The following GTF3C5 variants were observed in gnomAD, a reference collection of about 807,000 sequenced individuals.
The protein encoded by GTF3C5 is general transcription factor IIIC subunit 5.
In GTF3C5, 47 loss-of-function variants were observed where a neutral mutation model predicts 61.0. The ratio of observed to expected loss-of-function variants is 0.77; its 90% CI spans 0.61 to 0.98. The LOEUF is 0.98. GTF3C5 is among the 50% of genes least tolerant of loss of function. GTF3C5 has a pLI of 0.00. For synonymous variants in GTF3C5, 295 were observed against 275.4 expected (o/e 1.07, Z -0.71); for missense variants, 659 against 703.3 (o/e 0.94, Z 0.71).
At chr9:133,032,825 A>G (rs1849767458) in intron 1 of GTF3C5, among the ~76,000 whole-genome samples, 1 of 152,200 alleles carries the variant, frequency 6.6e-6, no homozygotes, top group Non-Finnish European at 1.5e-5. Flanking sequence ...AGATCAGTGA[A>G]GAGATCGTTT....
rs139171552 is a variant in GTF3C5, at chr9:133,056,378, C to T, written c.1250+284C>T. ...AAGGCCCCATGAGGTGGTTCTCAAT[C>T]CCAGGACCCATCAGATCCCAGAAAC... On this transcript the variant is annotated intron_variant, in intron 9 of 10. Coordinates refer to ENST00000372097, the MANE Select transcript of GTF3C5 (RefSeq NM_012087.4). Among the ~76,000 whole-genome samples the T allele has an allele frequency of 8.9e-3, 1,357 of 152,350 alleles. 15 individuals are homozygous for T. The highest frequency in any genetic ancestry group is 0.015 in the Non-Finnish European group (1,012 of 68,026).
chr9:133,048,460 G>A (rs751857496), intron 3 of GTF3C5, among the ~76,000 whole-genome samples: 2 of 152,216 alleles, frequency 1.3e-5, no homozygotes, highest in Non-Finnish European at 2.9e-5. Flanking sequence ...TCGCGCCACC[G>A]CACTCCAGCC....
At chr9:133,053,143 A>G (rs560638723) in intron 5 of GTF3C5, among the ~76,000 whole-genome samples, 22 of 152,320 alleles carry the variant, frequency 1.4e-4, no homozygotes, top group African/African-American at 5.3e-4. Context: ...GCTGGCTGGC[A>G]TTGGCTTTTT....
At chr9:133,055,542 C>G (rs2119036557) in intron 8 of GTF3C5, 1 of 985,456 alleles carries the variant, frequency 1.0e-6, no homozygotes, top group Non-Finnish European at 1.2e-6. Flanking sequence ...TATCCTTACT[C>G]TAGAACTACA....
chr9:133,041,123 C>T (rs1008839425), intron 1 of GTF3C5, among the ~76,000 whole-genome samples: 2 of 152,232 alleles, frequency 1.3e-5, no homozygotes, highest in African/African-American at 2.4e-5. Flanking sequence ...TCTGGGAAGA[C>T]GCCTCTTGCC....
At chr9:133,055,163 G>A in intron 8 of GTF3C5, 3 of 1,541,954 alleles carry the variant, frequency 1.9e-6, no homozygotes, top group African/African-American at 1.4e-5. Context: ...GGAGGACAGA[G>A]CCAGAGCAGG....
intron 9 of GTF3C5, 146 bp downstream of exon 9, chr9:133,056,240 C>G: frequency 1.5e-6 from 1 of 672,694 alleles, no homozygotes; most frequent in South Asian, 1.8e-5. Flanking sequence ...GCCGAGAGCC[C>G]TGGCATGCTG....
chr9:133,055,387 G>C (rs998944902), intron 8 of GTF3C5: 36 of 1,299,104 alleles, frequency 2.8e-5, no homozygotes, highest in Non-Finnish European at 3.6e-5. Flanking sequence ...GCAGAGACGG[G>C]TGATGCGAGG....
chr9:133,053,981 C>T (rs746388559), intron 6 of GTF3C5, 39 bp downstream of exon 6: 2 of 1,197,828 alleles, frequency 1.7e-6, no homozygotes, highest in Admixed American at 1.8e-5. Context: ...GCCTTTCTCT[C>T]TCTTTATCTT....
chr9:133,055,177 T>TGTGGGCTGCAGCTGTGGC (rs1332298061), intron 8 of GTF3C5: 2 of 1,538,096 alleles, frequency 1.3e-6, no homozygotes, highest in South Asian at 2.4e-5. Flanking sequence ...GAGCAGGCCA[T>TGTGGGCTGCAGCTGTGGC]GTGGGCTGCA....
In GTF3C5 at chr9:133,056,052, A is replaced by G. The variant is rs1829927574; in HGVS notation, c.1208A>G (p.Tyr403Cys). 2 of 1,614,130 alleles carry G rather than the reference A, an allele frequency of 1.2e-6. No individual in the cohort carries two copies. Among genetic ancestry groups the G allele is most frequent in the East Asian group, 2.2e-5 (1 of 44,886 alleles). ...TTCCGGGAAGGGGCCTTGCCACCCT[A>G]TCGGCAGATGTTCTACCAGTTATGC... Reference protein sequence around the residue: ...YIFREGALPPYRQMFYQLCDL... With the variant: ...YIFREGALPPCRQMFYQLCDL... The change falls in exon 9 of 11, where the codon TAT (tyrosine) becomes TGT (cysteine). Residue 403 changes from tyrosine to cysteine, a missense_variant. Coordinates refer to ENST00000372097, the MANE Select transcript of GTF3C5 (RefSeq NM_012087.4).
Position 133,031,019 on chromosome 9 carries a change from C to A in GTF3C5, c.8C>A (p.Ala3Glu). Reference sequence around the variant, plus strand: ...CCTGCCAGACGCACAGGGATGGCGGCGGAGGCGGCCGATTTGGGGCTGGGG... The same window carrying A: ...CCTGCCAGACGCACAGGGATGGCGGAGGAGGCGGCCGATTTGGGGCTGGGG... Reference protein sequence around the residue: MAAEAADLGLGAA... With the variant: MAEEAADLGLGAA... The change falls in exon 1 of 11, where the codon GCG (alanine) becomes GAG (glutamate). Residue 3 changes from alanine (A) to glutamate (E), a missense_variant. Transcript: ENST00000372097. The A allele has an allele frequency of 6.2e-7, 1 of 1,611,872 alleles. No homozygotes were observed. Among genetic ancestry groups the A allele is most frequent in the Non-Finnish European group, 8.5e-7 (1 of 1,179,018 alleles).
intron 3 of GTF3C5, among the ~76,000 whole-genome samples, chr9:133,048,910 T>C (rs571330734): frequency 6.6e-6 from 1 of 152,210 alleles, no homozygotes; most frequent in African/African-American, 2.4e-5. Context: ...TCGATTCTCC[T>C]GCCCTGCTCA....
chr9:133,054,617 G>A, intron 7 of GTF3C5, 95 bp from the exon 8 acceptor site: 5 of 1,415,912 alleles, frequency 3.5e-6, no homozygotes, highest in Non-Finnish European at 4.9e-6. Flanking sequence ...TCCCCTAGGA[G>A]GGGGTGGGCT....
chr9:133,054,787 C>T lies in GTF3C5; in HGVS notation c.1145C>T (p.Ala382Val), dbSNP rs202207045. Residue 382 changes from alanine to valine, a missense_variant, in exon 8 of 11, where the codon GCT becomes GTT. Physicochemically the swap from Ala to Val is moderately conservative, Grantham distance 64 (BLOSUM62 0). Coordinates refer to ENST00000372097, the MANE Select transcript of GTF3C5 (RefSeq NM_012087.4). ...GGGACGAGTGGTGCTCGGAAACCAG[C>T]TTCCAGCAAGTACAAGCTCAAGGTG... ...PSGTSGARKPASSKYKLKDSV... is the reference protein window; with the variant it reads ...PSGTSGARKPVSSKYKLKDSV... 3.1e-4 allele frequency: 497 copies of T among 1,579,046 alleles called. 2 individuals carry two copies. The highest frequency in any genetic ancestry group is 6.4e-5 in the Non-Finnish European group (75 of 1,162,960).
At chr9:133,040,036 T>C (rs1274620704) in intron 1 of GTF3C5, among the ~76,000 whole-genome samples, 2 of 152,218 alleles carry the variant, frequency 1.3e-5, no homozygotes, top group Non-Finnish European at 2.9e-5. Context: ...TCTTTTATAT[T>C]ATTCTCTTGA....
At chr9:133,055,917 G>T in intron 8 of GTF3C5, 95 bp from the exon 9 acceptor site, 1 of 1,562,236 alleles carries the variant, frequency 6.4e-7, no homozygotes, top group East Asian at 2.3e-5. Flanking sequence ...CCAGCTCCCT[G>T]GAGAGACCCC....
intron 3 of GTF3C5, among the ~76,000 whole-genome samples, chr9:133,048,714 T>C (rs1273058085): frequency 1.3e-5 from 2 of 152,174 alleles, no homozygotes; most frequent in Non-Finnish European, 2.9e-5. Context: ...CCCCTGGCAC[T>C]AGATGGCAGC....
At chr9:133,053,472 C>G (rs1219466276) in intron 5 of GTF3C5, among the ~76,000 whole-genome samples, 1 of 152,114 alleles carries the variant, frequency 6.6e-6, no homozygotes, top group Non-Finnish European at 1.5e-5. Context: ...GTAGTTCCAG[C>G]TACTTGGGAG....
Sources: allele counts gnomAD v4.1 joint callset (sites outside exome capture counted in the v4.1 genomes callset), GRCh38; gene constraint gnomAD v4.1.1; transcripts MANE v1.5; gene names NCBI Gene and HGNC (gene_info 2026-07-23, HGNC 2026-07-21).